The following SHISA9 variants were observed in gnomAD, a reference collection of about 807,000 sequenced individuals.
SHISA9 encodes protein shisa-9.
Under a neutral mutation model 38.0 loss-of-function variants are expected in SHISA9, and 13 were observed. The observed-to-expected ratio is 0.34, with a 90% CI of 0.22 to 0.54. The LOEUF (loss-of-function observed/expected upper bound fraction) is 0.54. Among genes scored for constraint, SHISA9 ranks in the 20% least tolerant of loss-of-function variants. SHISA9 has a pLI of 0.91. For missense variants in SHISA9, 538 were observed against 575.8 expected (o/e 0.93, Z 0.67); for synonymous variants, 275 against 242.0 (o/e 1.14, Z -1.27).
At chr16:13,141,952 A>T (rs991932007) in intron 2 of SHISA9, among the ~76,000 whole-genome samples, 2 of 152,202 alleles carry the variant, frequency 1.3e-5, no homozygotes, top group Admixed American at 1.3e-4. Flanking sequence ...CACATTGACA[A>T]CCCTGGAGAG....
chr16:13,502,305 C>A, the SHISA9 span, among the ~76,000 whole-genome samples: 4 of 152,130 alleles, frequency 2.6e-5, no homozygotes, highest in Admixed American at 6.5e-5. Context: ...ACATATCATG[C>A]AGGATCCCAC....
At chr16:12,943,326 TGTGTGAGAGAGAGAGAGA>T (rs2071644476) in intron 2 of SHISA9, among the ~76,000 whole-genome samples, 9 of 19,964 alleles carry the variant, frequency 4.5e-4, no homozygotes, top group Admixed American at 1.9e-3. Flanking sequence ...TGTGTGTGTG[TGTGTGAGAGAGAGAGAGA>T]GAGAGAGAGA....
chr16:13,100,250 C>T (rs2073865794), intron 2 of SHISA9, among the ~76,000 whole-genome samples: 2 of 152,210 alleles, frequency 1.3e-5, no homozygotes, highest in African/African-American at 4.8e-5. Flanking sequence ...TTTGCAGTAC[C>T]TTTTTGGCAA....
the SHISA9 span, among the ~76,000 whole-genome samples, chr16:13,372,954 G>A: frequency 6.6e-6 from 1 of 151,682 alleles, no homozygotes; most frequent in Non-Finnish European, 1.5e-5. Context: ...AATATTTAAT[G>A]TATTGGATAC....
the SHISA9 span, among the ~76,000 whole-genome samples, chr16:13,375,184 C>A: frequency 6.6e-6 from 1 of 152,306 alleles, no homozygotes; most frequent in Middle Eastern, 3.4e-3. Context: ...AATTAGATCC[C>A]ATTTGTCAAT....
the SHISA9 span, among the ~76,000 whole-genome samples, chr16:13,463,340 G>T: frequency 1.3e-5 from 2 of 152,200 alleles, no homozygotes; most frequent in Non-Finnish European, 2.9e-5. Flanking sequence ...CATGTGGGCA[G>T]GAGAGGCAGC....
At chr16:13,428,161 G>A in the SHISA9 span, among the ~76,000 whole-genome samples, 1 of 151,208 alleles carries the variant, frequency 6.6e-6, no homozygotes, top group African/African-American at 2.4e-5. Context: ...AACTAGTCTT[G>A]TGATGAAAGG....
intron 2 of SHISA9, among the ~76,000 whole-genome samples, chr16:13,028,518 A>G (rs2072952793): frequency 6.6e-6 from 1 of 152,170 alleles, no homozygotes; most frequent in African/African-American, 2.4e-5. Context: ...GACCCCTTAT[A>G]AAACCATCAG....
chr16:12,988,311 C>G (rs1314297387), intron 2 of SHISA9, among the ~76,000 whole-genome samples: 1 of 152,154 alleles, frequency 6.6e-6, no homozygotes, highest in Admixed American at 6.5e-5. Flanking sequence ...CTGTCCAATT[C>G]AAATAACATT....
chr16:13,505,848 T>A, the SHISA9 span, among the ~76,000 whole-genome samples: 3 of 152,204 alleles, frequency 2.0e-5, no homozygotes, highest in African/African-American at 4.8e-5. Context: ...TGTCCCCCCA[T>A]GTCTTTGGGC....
chr16:13,111,240 C>T (rs1000893149), intron 2 of SHISA9, among the ~76,000 whole-genome samples: 2 of 151,736 alleles, frequency 1.3e-5, no homozygotes, highest in East Asian at 3.9e-4. Context: ...AAGAAACTAT[C>T]ATCAGAGTGA....
chr16:12,905,285 A>G (rs567264770), intron 1 of SHISA9, among the ~76,000 whole-genome samples: 1 of 152,330 alleles, frequency 6.6e-6, no homozygotes, highest in East Asian at 1.9e-4. Flanking sequence ...ATTATGCATT[A>G]CCAGTCTCCT....
chr16:13,398,554 G>A, the SHISA9 span, among the ~76,000 whole-genome samples: 2 of 150,308 alleles, frequency 1.3e-5, no homozygotes, highest in Non-Finnish European at 2.9e-5. Context: ...AGGCTAGAGT[G>A]AAGTGGCATG....
chr16:12,922,561 C>T (rs2071341112), intron 2 of SHISA9, among the ~76,000 whole-genome samples: 1 of 152,212 alleles, frequency 6.6e-6, no homozygotes, highest in Admixed American at 6.5e-5. Flanking sequence ...GCTCTGTTAC[C>T]CAGGTTGGAG....
chr16:12,931,660 G>A (rs775651914), intron 2 of SHISA9, among the ~76,000 whole-genome samples: 1 of 152,104 alleles, frequency 6.6e-6, no homozygotes, highest in Non-Finnish European at 1.5e-5. Flanking sequence ...TGGTGTATAT[G>A]TACCACATTT....
At chr16:13,543,871 A>G in the SHISA9 span, among the ~76,000 whole-genome samples, 1 of 152,224 alleles carries the variant, frequency 6.6e-6, no homozygotes, top group Non-Finnish European at 1.5e-5. Flanking sequence ...CTCCAGATTA[A>G]AGATGAAACA....
intron 2 of SHISA9, among the ~76,000 whole-genome samples, chr16:12,996,407 G>A (rs1158566610): frequency 1.3e-5 from 2 of 152,140 alleles, no homozygotes; most frequent in African/African-American, 2.4e-5. Context: ...TCCTCAGTTT[G>A]GCACAGGCCC....
the SHISA9 span, among the ~76,000 whole-genome samples, chr16:13,444,849 G>T: frequency 6.7e-6 from 1 of 149,414 alleles, no homozygotes; most frequent in Non-Finnish European, 1.5e-5. Flanking sequence ...TTCTGCTCTT[G>T]CTCTGTCACC....
At chr16:13,215,389 G>T (rs2051158492) in intron 4 of SHISA9, among the ~76,000 whole-genome samples, 1 of 152,188 alleles carries the variant, frequency 6.6e-6, no homozygotes. Flanking sequence ...TGACTACCTG[G>T]CTGTTGCCTT....
Sources: allele counts gnomAD v4.1 joint callset (sites outside exome capture counted in the v4.1 genomes callset), GRCh38; gene constraint gnomAD v4.1.1; transcripts MANE v1.5; gene names NCBI Gene and HGNC (gene_info 2026-07-23, HGNC 2026-07-21).